NSRP1: variants seen among roughly 807,000 people sequenced by gnomAD.
The protein encoded by NSRP1 is coiled-coil domain containing 55.
A neutral mutation model predicts 54.7 loss-of-function variants in NSRP1; 24 were observed. The observed-to-expected ratio is 0.44, with a 90% CI of 0.32 to 0.62. The LOEUF is 0.62. Ranked by LOEUF, NSRP1 falls within the 20% of genes least tolerant of loss-of-function variation. NSRP1 has a pLI of 0.06. For missense variants in NSRP1, 596 were observed against 651.2 expected (o/e 0.92, Z 0.92); for synonymous variants, 210 against 213.8 (o/e 0.98, Z 0.15).
intron 2 of NSRP1, among the ~76,000 whole-genome samples, chr17:30,153,625 T>C (rs2071934135): frequency 6.6e-6 from 1 of 152,062 alleles, no homozygotes; most frequent in African/African-American, 2.4e-5. Context: ...GTTGGCATCC[T>C]TTTTTAAAAT....
intron 2 of NSRP1, among the ~76,000 whole-genome samples, chr17:30,124,625 C>A (rs953228871): frequency 2.0e-5 from 3 of 152,150 alleles, no homozygotes; most frequent in Non-Finnish European, 4.4e-5. Flanking sequence ...TAGAGGGATA[C>A]AAGTAGGAGA....
rs566674888 is a variant in NSRP1, at chr17:30,165,390, A to T, written c.115-7152A>T. Among the ~76,000 whole-genome samples, 4 of 152,340 alleles carry T rather than the reference A, an allele frequency of 2.6e-5. No individual in the cohort carries two copies. In the East Asian group the frequency reaches 5.8e-4, roughly 22 times the overall value. ...CCAGTGTCAGTTCCCTGGTGTTGAT[A>T]TTGTACTCTATGCAACTTACTAACA... On this transcript the variant is annotated intron_variant, in intron 2 of 6. Coordinates refer to ENST00000247026, the MANE Select transcript of NSRP1 (RefSeq NM_032141.4).
chr17:30,153,754 A>G (rs1368520010), intron 2 of NSRP1, among the ~76,000 whole-genome samples: 2 of 152,128 alleles, frequency 1.3e-5, no homozygotes, highest in Admixed American at 6.5e-5. Context: ...TTGTCCCTTG[A>G]GGAAATTTGC....
intron 2 of NSRP1, among the ~76,000 whole-genome samples, chr17:30,161,126 A>AC (rs970519285): frequency 9.2e-5 from 14 of 151,798 alleles, no homozygotes; most frequent in Admixed American, 2.6e-4. Flanking sequence ...GAAGTAGATA[A>AC]CCCCCCCATA....
intron 2 of NSRP1, among the ~76,000 whole-genome samples, chr17:30,146,393 G>A (rs1044628092): frequency 6.6e-6 from 1 of 152,082 alleles, no homozygotes; most frequent in Non-Finnish European, 1.5e-5. Flanking sequence ...CCTTCATTTA[G>A]ACTTTTTAAA....
At position 30,118,269 on chromosome 17, in the gene NSRP1, C is replaced by T. The variant is rs1344082811; in HGVS notation, c.114+96C>T. On this transcript the variant is annotated intron_variant, in intron 2 of 6. Transcript: ENST00000247026. ...TGATACCTTTGCCTTTGTTATTTGT[C>T]AGTACAGTGGAGTATAATTTACAGA... 4.4e-6 allele frequency: 4 copies of T among 905,326 alleles called. No individual in the cohort carries two copies. In the African/African-American group the frequency reaches 6.6e-5, roughly 15 times the overall value. 56.1% of individuals were successfully genotyped at this position (905,326 alleles called of 1,614,324 possible). A position where few individuals can be genotyped will look rare whatever the true frequency, so the allele number is the denominator to read the frequency against.
At chr17:30,163,188 T>TG (rs1207929941) in intron 2 of NSRP1, 6 of 137,026 alleles carry the variant, frequency 4.4e-5, no homozygotes, top group East Asian at 2.1e-4. Context: ...TCCGGCTAAT[T>TG]TTGTGTGTGT....
At chr17:30,135,331 C>T (rs1255228011) in intron 2 of NSRP1, among the ~76,000 whole-genome samples, 1 of 150,688 alleles carries the variant, frequency 6.6e-6, no homozygotes, top group Non-Finnish European at 1.5e-5. Flanking sequence ...CCATGTTGGC[C>T]CAGGCTGGTC....
chr17:30,126,989 A>AT (rs2071655594), intron 2 of NSRP1, among the ~76,000 whole-genome samples: 1 of 152,236 alleles, frequency 6.6e-6, no homozygotes. Context: ...CTTGCAGGGC[A>AT]ACTGTACAAC....
chr17:30,134,298 CAT>C (rs2071728922), intron 2 of NSRP1, among the ~76,000 whole-genome samples: 1 of 152,106 alleles, frequency 6.6e-6, no homozygotes, highest in Non-Finnish European at 1.5e-5. Context: ...ATCATTGTAA[CAT>C]GTAATAATGA....
chr17:30,137,326 TGA>T (rs2071759189), intron 2 of NSRP1, among the ~76,000 whole-genome samples: 2 of 152,206 alleles, frequency 1.3e-5, no homozygotes, highest in Non-Finnish European at 2.9e-5. Context: ...CACCTCCCTG[TGA>T]GAGAGTATAC....
chr17:30,160,273 G>GT lies in NSRP1; in HGVS notation c.115-12263dup, dbSNP rs571086648. On this transcript the variant is annotated intron_variant, in intron 2 of 6. Transcript: ENST00000247026. The stretch of plus-strand genomic sequence containing the variant: ...TAGTTTTTTTGTTTTGTTTTGTTTT[G>GT]TTTTTTAATGTTGTGCCTTTGTCTG... Among the ~76,000 whole-genome samples, 256 of 151,984 alleles carry GT rather than the reference G, an allele frequency of 1.7e-3. 1 individual carries two copies. The highest frequency in any genetic ancestry group is 3.0e-3 in the Non-Finnish European group (205 of 67,932).
intron 6 of NSRP1, among the ~76,000 whole-genome samples, chr17:30,183,985 T>G (rs1281008726): frequency 1.3e-5 from 2 of 152,196 alleles, no homozygotes; most frequent in Admixed American, 1.3e-4. Flanking sequence ...TTGGATCACC[T>G]GAGGTCAAGA....
At chr17:30,174,173 T>G (rs1413931135) in intron 3 of NSRP1, among the ~76,000 whole-genome samples, 3 of 152,172 alleles carry the variant, frequency 2.0e-5, no homozygotes, top group African/African-American at 7.2e-5. Flanking sequence ...TTTCTTCACT[T>G]AAAGCATGAA....
At chr17:30,173,353 T>C (rs1452379924) in intron 3 of NSRP1, among the ~76,000 whole-genome samples, 1 of 152,224 alleles carries the variant, frequency 6.6e-6, no homozygotes, top group Non-Finnish European at 1.5e-5. Flanking sequence ...ATAGTACTGA[T>C]TAAGAAATCT....
chr17:30,175,271 A>G lies in NSRP1; in HGVS notation c.171+2673A>G, dbSNP rs541864782. Among the ~76,000 whole-genome samples the G allele has an allele frequency of 9.3e-4, 141 of 152,132 alleles. 1 individual carries two copies. Among genetic ancestry groups the G allele is most frequent in the Non-Finnish European group, 1.8e-3 (120 of 67,992 alleles). ...GTATTTTTGTTGTTTCATGCAAAAC[A>G]TTTTCTGATTTGCATTATGATTTCT... is the stretch of plus-strand genomic sequence containing the variant. On this transcript the variant is annotated intron_variant, in intron 3 of 6. Coordinates refer to ENST00000247026, the MANE Select transcript of NSRP1 (RefSeq NM_032141.4).
At chr17:30,149,285 A>G (rs2071884822) in intron 2 of NSRP1, among the ~76,000 whole-genome samples, 1 of 152,106 alleles carries the variant, frequency 6.6e-6, no homozygotes, top group Admixed American at 6.5e-5. Context: ...CTTGGTCTCG[A>G]GTGATCCTCC....
At chr17:30,184,508 G>T in intron 6 of NSRP1, 107 bp from the exon 7 acceptor site, 1 of 1,367,412 alleles carries the variant, frequency 7.3e-7, no homozygotes. Context: ...TATCACTATA[G>T]GTGTATTGAT....
At position 30,160,466 on chromosome 17, in the gene NSRP1, C is replaced by G. The variant is rs1343459096; in HGVS notation, c.115-12076C>G. On this transcript the variant is annotated intron_variant, in intron 2 of 6. Transcript: ENST00000247026. ...TTTAGGAGACTTTTTATTACTGATTCAATCTCATTACTCGTTGTTTGTTCA... is the reference window on the plus strand; with the variant it reads ...TTTAGGAGACTTTTTATTACTGATTGAATCTCATTACTCGTTGTTTGTTCA... 2.0e-5 allele frequency among the ~76,000 whole-genome samples: 3 copies of G among 152,106 alleles called. No homozygotes were observed. In the East Asian group the frequency reaches 5.8e-4, roughly 29 times the overall value.
Sources: gnomAD v4.1 joint callset for allele counts (sites outside exome capture counted in the v4.1 genomes callset) on GRCh38, gnomAD v4.1.1 for gene constraint, MANE v1.5 for transcripts, NCBI Gene and HGNC (gene_info 2026-07-23, HGNC 2026-07-21) for gene names.